The following ABLIM2 variants were observed in gnomAD, a reference collection of about 807,000 sequenced individuals.
ABLIM2 encodes actin binding LIM protein family member 2.
A neutral mutation model predicts 97.7 loss-of-function variants in ABLIM2; 53 were observed. The ratio of observed to expected loss-of-function variants is 0.54; its 90% CI spans 0.44 to 0.68. The LOEUF (loss-of-function observed/expected upper bound fraction) is 0.68. Ranked by LOEUF, ABLIM2 falls within the 30% of genes least tolerant of loss-of-function variation. ABLIM2 has a pLI of 0.00. For missense variants in ABLIM2, 835 were observed against 867.2 expected (o/e 0.96, Z 0.47); for synonymous variants, 361 against 345.8 (o/e 1.04, Z -0.49).
At chr4:8,145,037 G>A (rs771270117) in intron 1 of ABLIM2, among the ~76,000 whole-genome samples, 5 of 152,124 alleles carry the variant, frequency 3.3e-5, no homozygotes, top group African/African-American at 7.2e-5. Context: ...GACCTGGGGC[G>A]GGTCGTGCCT....
chr4:8,016,041 G>GTGTT (rs1333364091), intron 14 of ABLIM2, among the ~76,000 whole-genome samples: 1 of 73,290 alleles, frequency 1.4e-5, no homozygotes, highest in African/African-American at 8.3e-5. Flanking sequence ...TTTTGTTGTT[G>GTGTT]TATTTTTTTT....
Position 8,087,825 on chromosome 4 carries a change from T to G in ABLIM2, c.454+344A>C, listed in dbSNP as rs910273355. 6.6e-6 allele frequency among the ~76,000 whole-genome samples: 1 copy of G among 151,960 alleles called. No individual in the cohort carries two copies. Among genetic ancestry groups the G allele is most frequent in the Non-Finnish European group, 1.5e-5 (1 of 67,964 alleles). On this transcript the variant is annotated intron_variant, in intron 4 of 20. Coordinates refer to ENST00000447017, the MANE Select transcript of ABLIM2 (RefSeq NM_001130083.2). The surrounding 1 kb of genome is among the most constrained non-coding windows in gnomAD (Gnocchi z 4.6). ...CACATGGGGTGGAGGAAACAGCCAG[T>G]GCAAAGACTTGGCGGCACGAGAGCC... is the stretch of plus-strand genomic sequence containing the variant.
rs1324402515 is a variant in ABLIM2, at chr4:8,021,929, C to G, written c.1268-1626G>C. On this transcript the variant is annotated intron_variant, in intron 12 of 20. Coordinates refer to ENST00000447017, the MANE Select transcript of ABLIM2 (RefSeq NM_001130083.2). The surrounding 1 kb of genome is among the most constrained non-coding windows in gnomAD (Gnocchi z 5.5). ...TCAGTTGGCTCTACAGGTGCCCTTG[C>G]TGGCCGTGGCACCCTTGCTGGTCAG... Among the ~76,000 whole-genome samples, 1 of 152,204 alleles carries G rather than the reference C, an allele frequency of 6.6e-6. No homozygotes were observed. Among genetic ancestry groups the G allele is most frequent in the Non-Finnish European group, 1.5e-5 (1 of 68,032 alleles).
rs772703078 is a variant in ABLIM2 at position 8,058,849 on chromosome 4, T to A, written c.763+2118A>T. Among the ~76,000 whole-genome samples the A allele has an allele frequency of 6.6e-6, 1 of 152,146 alleles. No homozygotes were observed. The highest frequency in any genetic ancestry group is 1.5e-5 in the Non-Finnish European group (1 of 68,038). On this transcript the variant is annotated intron_variant, in intron 7 of 20. Transcript: ENST00000447017. The surrounding 1 kb of genome is among the most constrained non-coding windows in gnomAD (Gnocchi z 4.2). Reference sequence around the variant, plus strand: ...CCTAGAAGCCTAATCTCCCTCCACTTCTGATTGAGTTCCTCATCCCATCTT... The same window carrying A: ...CCTAGAAGCCTAATCTCCCTCCACTACTGATTGAGTTCCTCATCCCATCTT...
chr4:8,114,238 C>T (rs1841706036), intron 1 of ABLIM2, among the ~76,000 whole-genome samples: 1 of 152,176 alleles, frequency 6.6e-6, no homozygotes, highest in Non-Finnish European at 1.5e-5. Context: ...TCAGCCAGTC[C>T]TTGCCGGGAG....
intron 2 of ABLIM2, among the ~76,000 whole-genome samples, chr4:8,104,258 A>G (rs2152732062): frequency 1.3e-5 from 2 of 152,322 alleles, no homozygotes; most frequent in Middle Eastern, 3.4e-3. Context: ...TCACTCCCAG[A>G]AAACAAATCC....
chr4:8,038,092 C>T (rs997782213), intron 9 of ABLIM2, among the ~76,000 whole-genome samples: 3 of 152,214 alleles, frequency 2.0e-5, no homozygotes, highest in Non-Finnish European at 4.4e-5. Context: ...GCCTCAGCCT[C>T]CTCTGGACAT....
intron 5 of ABLIM2, 65 bp downstream of exon 5, chr4:8,080,611 G>A (rs753266251): frequency 4.0e-6 from 6 of 1,487,294 alleles, no homozygotes; most frequent in Non-Finnish European, 3.6e-6. Flanking sequence ...CGTGCAGAGT[G>A]TGGGACCCCC....
At chr4:7,974,637 G>T (rs1419772855) in intron 20 of ABLIM2, among the ~76,000 whole-genome samples, 2 of 120,852 alleles carry the variant, frequency 1.7e-5, no homozygotes, top group Non-Finnish European at 3.5e-5. Context: ...ACCCATCCAT[G>T]CATCCATCCA....
intron 16 of ABLIM2, among the ~76,000 whole-genome samples, chr4:7,997,731 G>A (rs763193029): frequency 1.3e-5 from 2 of 152,036 alleles, no homozygotes; most frequent in Non-Finnish European, 2.9e-5. Context: ...GTATTTCCCC[G>A]AGTCCTGAGA....
intron 1 of ABLIM2, among the ~76,000 whole-genome samples, chr4:8,121,923 C>T (rs916390001): frequency 3.3e-5 from 5 of 152,188 alleles, no homozygotes; most frequent in African/African-American, 4.8e-5. Flanking sequence ...ATGGCAAAAC[C>T]ACACAGTTGG....
chr4:8,013,632 T>C (rs536585224), intron 14 of ABLIM2, among the ~76,000 whole-genome samples: 1 of 152,328 alleles, frequency 6.6e-6, no homozygotes, highest in Non-Finnish European at 1.5e-5. Context: ...TAGCTGGTGA[T>C]TGGAACCTTG....
intron 1 of ABLIM2, among the ~76,000 whole-genome samples, chr4:8,143,183 G>C (rs1292842807): frequency 7.1e-6 from 1 of 141,118 alleles, no homozygotes; most frequent in South Asian, 2.3e-4. Flanking sequence ...GTCTGCAAAT[G>C]CATCTCCTGG....
intron 1 of ABLIM2, among the ~76,000 whole-genome samples, chr4:8,110,439 TTCTG>T (rs1448538358): frequency 2.6e-5 from 4 of 152,112 alleles, no homozygotes; most frequent in Non-Finnish European, 4.4e-5. Flanking sequence ...ACTCCTGGTC[TTCTG>T]TCTGTGTGTC....
intron 16 of ABLIM2, chr4:8,007,325 T>A (rs1762099876): frequency 1.0e-6 from 1 of 985,206 alleles, no homozygotes; most frequent in South Asian, 4.7e-5. Context: ...CAAAGCCAGG[T>A]CTTTCTTCTG....
At chr4:8,099,426 G>C (rs906782924) in intron 2 of ABLIM2, among the ~76,000 whole-genome samples, 1 of 152,186 alleles carries the variant, frequency 6.6e-6, no homozygotes. Flanking sequence ...CCCCACTCCA[G>C]TGCTGTGAGT....
In ABLIM2 at chr4:8,004,841, G is replaced by A. The variant is rs1760017393; in HGVS notation, c.1618+3218C>T. ...GTGTAATATAAACAGGAACAGAAAA[G>A]CAGTCAATAATAAAATATAGATTTC... is the stretch of plus-strand genomic sequence containing the variant. On this transcript the variant is annotated intron_variant, in intron 16 of 20. Coordinates refer to ENST00000447017, the MANE Select transcript of ABLIM2 (RefSeq NM_001130083.2). The surrounding 1 kb of genome is among the most constrained non-coding windows in gnomAD (Gnocchi z 5.9). Among the ~76,000 whole-genome samples the A allele has an allele frequency of 6.6e-6, 1 of 152,182 alleles. No individual in the cohort carries two copies. The highest frequency in any genetic ancestry group is 6.5e-5 in the Admixed American group (1 of 15,278).
chr4:8,006,991 C>A (rs944931623), intron 16 of ABLIM2: 1 of 983,016 alleles, frequency 1.0e-6, no homozygotes, highest in African/African-American at 1.7e-5. Context: ...TGCACAGACA[C>A]CTGCTTACAG....
At chr4:8,007,119 A>G in intron 16 of ABLIM2, 2 of 985,384 alleles carry the variant, frequency 2.0e-6, no homozygotes, top group Non-Finnish European at 2.4e-6. Context: ...TTCTACTTTC[A>G]TTGTTAAGTA....
Sources: allele counts gnomAD v4.1 joint callset (sites outside exome capture counted in the v4.1 genomes callset), GRCh38; gene constraint gnomAD v4.1.1; non-coding constraint Gnocchi (gnomAD v3.1); transcripts MANE v1.5; gene names NCBI Gene and HGNC (gene_info 2026-07-23, HGNC 2026-07-21).